The following EYS variants were observed in gnomAD, a reference collection of about 807,000 sequenced individuals.
EYS encodes protein eyes shut homolog.
In EYS, 250 loss-of-function variants were observed where a neutral mutation model predicts 282.1. That is an observed-to-expected ratio of 0.89 (90% CI 0.80 to 0.98). The LOEUF is 0.98. EYS is among the 50% of genes least tolerant of loss of function. The probability of loss-of-function intolerance (pLI) is 0.00; values close to 1 mark genes in which losing one functional copy is unlikely to be tolerated. For missense variants in EYS, 4,016 were observed against 3,709.0 expected (o/e 1.08, Z -2.15); for synonymous variants, 1,355 against 1,282.9 (o/e 1.06, Z -1.20).
intron 2 of EYS, among the ~76,000 whole-genome samples, chr6:65,606,470 A>C (rs1907017): frequency 0.36 from 53,996 of 151,644 alleles, 12,035 homozygotes; most frequent in Non-Finnish European, 0.49. Context: ...GATTATAAAT[A>C]ACATTTAGAT....
intron 31 of EYS, among the ~76,000 whole-genome samples, chr6:64,220,115 G>A (rs1766052469): frequency 6.6e-6 from 1 of 152,044 alleles, no homozygotes; most frequent in Admixed American, 6.6e-5. Context: ...ACACCAACAT[G>A]GCACATGTAT....
Position 64,414,937 on chromosome 6 carries a change from T to C in EYS, c.5927+21237A>G, listed in dbSNP as rs544955125. On this transcript the variant is annotated intron_variant, in intron 28 of 42. Coordinates refer to ENST00000503581, the MANE Select transcript of EYS (RefSeq NM_001142800.2). ...AATATTGAGATACAGAAGAAACTCCTGAAAATATATAGGTAATTACCTTTG... is the reference window on the plus strand; with the variant it reads ...AATATTGAGATACAGAAGAAACTCCCGAAAATATATAGGTAATTACCTTTG... Among the ~76,000 whole-genome samples the C allele has an allele frequency of 3.3e-5, 5 of 152,292 alleles. No individual in the cohort carries two copies. The South Asian group carries it at 1.0e-3, about 32-fold the overall frequency.
chr6:64,204,985 G>C (rs1432246032), intron 31 of EYS, among the ~76,000 whole-genome samples: 1 of 152,124 alleles, frequency 6.6e-6, no homozygotes, highest in Non-Finnish European at 1.5e-5. Context: ...GGGTAGATAT[G>C]TAATGAAATA....
chr6:64,887,882 A>C (rs1459940187), intron 18 of EYS, among the ~76,000 whole-genome samples: 1 of 152,096 alleles, frequency 6.6e-6, no homozygotes, highest in Non-Finnish European at 1.5e-5. Context: ...AGGTGACAGA[A>C]AAGGTCTTAC....
intron 5 of EYS, among the ~76,000 whole-genome samples, chr6:65,410,079 T>A (rs1766920897): frequency 6.6e-6 from 1 of 152,070 alleles, no homozygotes. Context: ...GATTAGATGT[T>A]TAGTGGTACT....
chr6:63,949,926 C>A (rs1314435710), intron 35 of EYS, among the ~76,000 whole-genome samples: 2 of 152,134 alleles, frequency 1.3e-5, no homozygotes, highest in African/African-American at 2.4e-5. Flanking sequence ...GTAATCCCAG[C>A]ACTTTGGGAG....
chr6:63,802,079 C>A (rs979006390), intron 37 of EYS, among the ~76,000 whole-genome samples: 1 of 152,192 alleles, frequency 6.6e-6, no homozygotes, highest in African/African-American at 2.4e-5. Flanking sequence ...TGGGTCATTT[C>A]TTCTATAGAA....
intron 26 of EYS, among the ~76,000 whole-genome samples, chr6:64,564,120 G>T (rs1765486047): frequency 6.6e-6 from 1 of 151,810 alleles, no homozygotes; most frequent in Non-Finnish European, 1.5e-5. Flanking sequence ...CCACGAGTGG[G>T]ATTGCTGGAT....
intron 2 of EYS, among the ~76,000 whole-genome samples, chr6:65,637,576 C>A (rs147719196): frequency 2.6e-5 from 4 of 152,306 alleles, no homozygotes; most frequent in African/African-American, 9.6e-5. Flanking sequence ...AGCATCACTG[C>A]ACTCTTGGGG....
Position 64,649,307 on chromosome 6 carries a change from C to T in EYS, c.3444-23062G>A, listed in dbSNP as rs1326087068. Among the ~76,000 whole-genome samples, 103 of 148,602 alleles carry T rather than the reference C, an allele frequency of 6.9e-4. 2 individuals carry two copies. In the Admixed American group the frequency reaches 6.9e-3, roughly 10 times the overall value. ...ACTTGTAACTTTAATAATATGCTTA[C>T]ATATAATATTAGGACTCCATATATT... On this transcript the variant is annotated intron_variant, in intron 22 of 42. Coordinates refer to ENST00000503581, the MANE Select transcript of EYS (RefSeq NM_001142800.2).
intron 38 of EYS, among the ~76,000 whole-genome samples, chr6:63,788,806 C>T (rs753349943): frequency 3.9e-4 from 59 of 152,166 alleles, no homozygotes; most frequent in Non-Finnish European, 3.7e-4. Flanking sequence ...TTTGAAGTTA[C>T]GCTCAAGCAT....
chr6:65,292,168 A>T (rs1379741443), intron 12 of EYS, among the ~76,000 whole-genome samples: 1 of 151,720 alleles, frequency 6.6e-6, no homozygotes, highest in Non-Finnish European at 1.5e-5. Context: ...AATATCTCCT[A>T]CTTTCTCCTC....
intron 23 of EYS, among the ~76,000 whole-genome samples, chr6:64,620,653 T>C (rs1767418558): frequency 6.6e-6 from 1 of 152,134 alleles, no homozygotes; most frequent in Non-Finnish European, 1.5e-5. Context: ...AGGTAATGGG[T>C]AAGAAATGAG....
intron 8 of EYS, among the ~76,000 whole-genome samples, chr6:65,354,179 A>G (rs556587009): frequency 1.2e-3 from 181 of 152,226 alleles, no homozygotes; most frequent in African/African-American, 4.2e-3. Flanking sequence ...TGAGGTCATC[A>G]CTAAGTTTTA....
At chr6:65,042,699 G>T (rs1470282650) in intron 13 of EYS, among the ~76,000 whole-genome samples, 7 of 151,222 alleles carry the variant, frequency 4.6e-5, no homozygotes, top group African/African-American at 1.7e-4. Context: ...AGTTGCATGT[G>T]TTTTAAAAAA....
chr6:64,863,701 A>T (rs879608766), intron 19 of EYS, among the ~76,000 whole-genome samples: 1 of 152,142 alleles, frequency 6.6e-6, no homozygotes, highest in Non-Finnish European at 1.5e-5. Context: ...CTGGTCAGAT[A>T]TTCATCTTTC....
At chr6:64,456,309 T>C (rs1433481080) in intron 26 of EYS, among the ~76,000 whole-genome samples, 2 of 152,142 alleles carry the variant, frequency 1.3e-5, no homozygotes, top group African/African-American at 4.8e-5. Flanking sequence ...TTAGTTTTAA[T>C]ATTAATTTGG....
chr6:65,574,478 C>T (rs576111409), intron 2 of EYS, among the ~76,000 whole-genome samples: 1 of 152,198 alleles, frequency 6.6e-6, no homozygotes, highest in African/African-American at 2.4e-5. Flanking sequence ...GAGTAGCTAG[C>T]TATGCGTGTA....
At chr6:64,755,497 TACACAC>T (rs56705165) in intron 22 of EYS, among the ~76,000 whole-genome samples, 9,754 of 138,820 alleles carry the variant, frequency 0.07, 656 homozygotes, top group African/African-American at 0.18. Flanking sequence ...AGAACATACA[TACACAC>T]ACACACACAC....
Sources: allele counts gnomAD v4.1 joint callset (sites outside exome capture counted in the v4.1 genomes callset), GRCh38; gene constraint gnomAD v4.1.1; transcripts MANE v1.5; gene names NCBI Gene and HGNC (gene_info 2026-07-23, HGNC 2026-07-21).